The following DGKB variants were observed in gnomAD, a reference collection of about 807,000 sequenced individuals.
DGKB encodes 90 kDa diacylglycerol kinase.
DGKB carries 67 observed loss-of-function variants against 114.3 expected under a neutral mutation model. The observed-to-expected ratio is 0.59, with a 90% CI of 0.48 to 0.72. The LOEUF is 0.72. Ranked by LOEUF, DGKB falls within the 30% of genes least tolerant of loss-of-function variation. The pLI is 0.00. For missense variants in DGKB, 907 were observed against 975.2 expected (o/e 0.93, Z 0.93); for synonymous variants, 398 against 323.1 (o/e 1.23, Z -2.49).
At chr7:14,956,400 G>A (rs558780288) in intron 1 of DGKB, among the ~76,000 whole-genome samples, 1 of 152,056 alleles carries the variant, frequency 6.6e-6, no homozygotes, top group South Asian at 2.1e-4. Flanking sequence ...ACATAACTAT[G>A]TGCTGCAATT....
intron 25 of DGKB, among the ~76,000 whole-genome samples, chr7:14,160,123 T>C (rs2128223224): frequency 6.6e-6 from 1 of 152,156 alleles, no homozygotes; most frequent in African/African-American, 2.4e-5. Flanking sequence ...CTTTGAGTTT[T>C]TCAAAATAAT....
At chr7:14,434,193 G>C (rs1828904798) in intron 21 of DGKB, among the ~76,000 whole-genome samples, 1 of 152,168 alleles carries the variant, frequency 6.6e-6, no homozygotes, top group African/African-American at 2.4e-5. Context: ...TGCCACTGCT[G>C]AGTTATCTTT....
intron 23 of DGKB, among the ~76,000 whole-genome samples, chr7:14,213,521 T>A (rs1223773266): frequency 6.6e-6 from 1 of 152,152 alleles, no homozygotes. Context: ...GAAAACAACA[T>A]GTCTCCCTCT....
intron 20 of DGKB, among the ~76,000 whole-genome samples, chr7:14,556,554 C>T (rs2163507): frequency 0.36 from 54,248 of 151,818 alleles, 10,616 homozygotes; most frequent in Admixed American, 0.44. Flanking sequence ...TGCCCCTATA[C>T]GTGTATTTTG....
chr7:14,648,131 G>A (rs913487395), intron 13 of DGKB, among the ~76,000 whole-genome samples: 3 of 152,220 alleles, frequency 2.0e-5, no homozygotes, highest in Non-Finnish European at 2.9e-5. Context: ...CTGGAACTGG[G>A]TGGAGCCCAC....
intron 20 of DGKB, among the ~76,000 whole-genome samples, chr7:14,570,988 C>T (rs760199365): frequency 3.2e-4 from 48 of 152,086 alleles, no homozygotes; most frequent in Middle Eastern, 3.4e-3. Flanking sequence ...AGGTGTTGTC[C>T]CATGCAGTAA....
intron 17 of DGKB, among the ~76,000 whole-genome samples, chr7:14,586,294 A>G (rs917027315): frequency 6.6e-6 from 1 of 152,146 alleles, no homozygotes; most frequent in African/African-American, 2.4e-5. Context: ...ACAGAAGATC[A>G]AAGGAGCCAC....
At chr7:14,928,391 A>G (rs904419779) in intron 1 of DGKB, among the ~76,000 whole-genome samples, 3 of 152,012 alleles carry the variant, frequency 2.0e-5, no homozygotes, top group African/African-American at 7.2e-5. Flanking sequence ...ATGAACAAAT[A>G]TATATCTTGT....
chr7:14,267,468 A>ATTT (rs34348388), intron 23 of DGKB, among the ~76,000 whole-genome samples: 1 of 110,234 alleles, frequency 9.1e-6, no homozygotes, highest in Non-Finnish European at 1.8e-5. Flanking sequence ...ATAAGTGCTT[A>ATTT]TTTTTTTTTT....
chr7:14,349,019 C>A (rs991355), intron 21 of DGKB, among the ~76,000 whole-genome samples: 1 of 151,832 alleles, frequency 6.6e-6, no homozygotes, highest in African/African-American at 2.4e-5. Flanking sequence ...GGGGTGACAT[C>A]GTGAACTTTG....
chr7:14,491,366 A>G (rs1371159248), intron 20 of DGKB, among the ~76,000 whole-genome samples: 2 of 151,934 alleles, frequency 1.3e-5, no homozygotes, highest in Non-Finnish European at 2.9e-5. Context: ...TTCTGTCATG[A>G]TTGTGAGATC....
intron 21 of DGKB, among the ~76,000 whole-genome samples, chr7:14,388,386 ATACT>A (rs141338278): frequency 0.028 from 4,170 of 148,168 alleles, 211 homozygotes; most frequent in African/African-American, 0.097. Flanking sequence ...GTGTATATAC[ATACT>A]TAAATATATA....
At chr7:14,836,314 G>A (rs550672493) in intron 2 of DGKB, among the ~76,000 whole-genome samples, 7 of 152,242 alleles carry the variant, frequency 4.6e-5, no homozygotes, top group African/African-American at 1.7e-4. Context: ...GCTATAAACT[G>A]TATGAAATTT....
At chr7:14,857,337 T>C (rs1329870274) in intron 1 of DGKB, among the ~76,000 whole-genome samples, 1 of 150,462 alleles carries the variant, frequency 6.6e-6, no homozygotes, top group Non-Finnish European at 1.5e-5. Context: ...GAATACATTC[T>C]GTCAACAACC....
At chr7:14,946,721 T>C (rs527406150) in intron 1 of DGKB, among the ~76,000 whole-genome samples, 3 of 151,854 alleles carry the variant, frequency 2.0e-5, no homozygotes, top group Non-Finnish European at 3.0e-5. Flanking sequence ...CATTGAAGAA[T>C]AGAAACTGGA....
intron 23 of DGKB, among the ~76,000 whole-genome samples, chr7:14,300,148 A>G (rs943518150): frequency 3.3e-5 from 5 of 152,056 alleles, no homozygotes; most frequent in Non-Finnish European, 7.4e-5. Flanking sequence ...GTCCACCAAT[A>G]TTTTCAAATC....
intron 1 of DGKB, among the ~76,000 whole-genome samples, chr7:14,861,788 T>C (rs183469858): frequency 5.3e-4 from 81 of 152,166 alleles, no homozygotes; most frequent in African/African-American, 1.3e-3. Context: ...CATTGAGGCA[T>C]AGAACTGAAT....
At chr7:14,181,861 G>C (rs1446346174) in intron 23 of DGKB, among the ~76,000 whole-genome samples, 1 of 152,162 alleles carries the variant, frequency 6.6e-6, no homozygotes, top group Non-Finnish European at 1.5e-5. Flanking sequence ...GGAGTAAACA[G>C]AGACAAGCTT....
intron 23 of DGKB, among the ~76,000 whole-genome samples, chr7:14,204,972 A>G (rs953707940): frequency 6.6e-6 from 1 of 152,020 alleles, no homozygotes; most frequent in African/African-American, 2.4e-5. Flanking sequence ...TATTCAAGAA[A>G]TATCCTATGT....
Sources: allele counts gnomAD v4.1 joint callset (sites outside exome capture counted in the v4.1 genomes callset), GRCh38; gene constraint gnomAD v4.1.1; transcripts MANE v1.5; gene names NCBI Gene and HGNC (gene_info 2026-07-23, HGNC 2026-07-21).